Variants in SPAST observed in about 807,000 individuals in gnomAD.
The protein encoded by SPAST is spastin.
In SPAST, 30 loss-of-function variants were observed where a neutral mutation model predicts 76.6. That is an observed-to-expected ratio of 0.39 (90% CI 0.29 to 0.53). The LOEUF (loss-of-function observed/expected upper bound fraction) is 0.53, where lower values mean the gene tolerates loss of function less well. Among genes scored for constraint, SPAST ranks in the 20% least tolerant of loss-of-function variants. The probability of loss-of-function intolerance (pLI) is 0.68; values close to 1 mark genes in which losing one functional copy is unlikely to be tolerated. For synonymous variants in SPAST, 305 were observed against 281.0 expected (o/e 1.09, Z -0.86); for missense variants, 717 against 770.5 (o/e 0.93, Z 0.82).
At chr2:32,076,111 G>T (rs1289289117) in intron 1 of SPAST, among the ~76,000 whole-genome samples, 1 of 151,336 alleles carries the variant, frequency 6.6e-6, no homozygotes, top group Non-Finnish European at 1.5e-5. Flanking sequence ...ATGTTGTCCA[G>T]GCTAGCCTTG....
chr2:32,087,722 T>C, intron 2 of SPAST, 144 bp downstream of exon 2: 1 of 343,920 alleles, frequency 2.9e-6, no homozygotes, highest in Non-Finnish European at 5.0e-6. Context: ...TGAGACAGGG[T>C]CTTTCCTCTG....
intron 3 of SPAST, among the ~76,000 whole-genome samples, chr2:32,095,130 T>C (rs557401752): frequency 7.2e-5 from 11 of 152,290 alleles, no homozygotes; most frequent in Admixed American, 7.2e-4. Flanking sequence ...TGATAGAGGC[T>C]TGCACCAGGG....
intron 1 of SPAST, among the ~76,000 whole-genome samples, chr2:32,082,111 G>A (rs1677258509): frequency 7.1e-6 from 1 of 140,470 alleles, no homozygotes; most frequent in Non-Finnish European, 1.5e-5. Flanking sequence ...TCCTGCCTCA[G>A]CCTCCCAAAT....
chr2:32,145,940 C>T (rs1679872493), intron 15 of SPAST, among the ~76,000 whole-genome samples: 1 of 152,182 alleles, frequency 6.6e-6, no homozygotes, highest in Admixed American at 6.5e-5. Flanking sequence ...AAGATGTTAT[C>T]ATAGTGTCTA....
chr2:32,145,142 A>G, intron 15 of SPAST, 135 bp downstream of exon 15: 1 of 641,768 alleles, frequency 1.6e-6, no homozygotes, highest in South Asian at 1.8e-5. Flanking sequence ...CCCAGGCTGT[A>G]GTGCAGTGGC....
In SPAST at chr2:32,063,805, TGGC is replaced by T. The variant is rs1195993407; in HGVS notation, c.-17_-15del. ...CCGTCGGTCTGCGGGAGGCGGGTTA[TGGC>T]GGCGGCGGCAGTGAGAGCTGTGAAT... On this transcript the variant is annotated 5_prime_UTR_variant, in exon 1 of 17. Coordinates refer to ENST00000315285, the MANE Select transcript of SPAST (RefSeq NM_014946.4). The T allele has an allele frequency of 6.4e-7, 1 of 1,551,614 alleles. No homozygotes were observed. The highest frequency in any genetic ancestry group is 1.2e-5 in the South Asian group (1 of 85,902).
chr2:32,141,768 A>T, intron 12 of SPAST, 136 bp from the exon 13 acceptor site: 2 of 682,298 alleles, frequency 2.9e-6, no homozygotes, highest in East Asian at 5.4e-5. Flanking sequence ...AGTAACAAAA[A>T]TATTTTTACA....
chr2:32,114,949 A>T, intron 5 of SPAST, 124 bp downstream of exon 5: 1 of 716,404 alleles, frequency 1.4e-6, no homozygotes, highest in Non-Finnish European at 2.2e-6. Context: ...AAGTTTCCAT[A>T]AAGTTAAATT....
chr2:32,071,019 G>A lies in SPAST; in HGVS notation c.415+6773G>A, dbSNP rs536248465. ...ACTTTATACTGCAGGTTTTTATGTTGTAATGCTGGTAATGAGCTCCTTGGA... is the reference window on the plus strand; with the variant it reads ...ACTTTATACTGCAGGTTTTTATGTTATAATGCTGGTAATGAGCTCCTTGGA... On this transcript the variant is annotated intron_variant, in intron 1 of 16. Coordinates refer to ENST00000315285, the MANE Select transcript of SPAST (RefSeq NM_014946.4). Among the ~76,000 whole-genome samples, 3 of 152,308 alleles carry A rather than the reference G, an allele frequency of 2.0e-5. No homozygotes were observed. The South Asian group carries it at 6.2e-4, about 32-fold the overall frequency.
At chr2:32,119,969 C>A (rs1374021515) in intron 7 of SPAST, among the ~76,000 whole-genome samples, 2 of 150,156 alleles carry the variant, frequency 1.3e-5, no homozygotes. Context: ...TGTGATTGTT[C>A]TCCAGTTTTA....
At chr2:32,066,622 C>G (rs568252142) in intron 1 of SPAST, among the ~76,000 whole-genome samples, 1 of 151,638 alleles carries the variant, frequency 6.6e-6, no homozygotes, top group Non-Finnish European at 1.5e-5. Flanking sequence ...GAGCCGAGAT[C>G]GTGCCACTAC....
intron 1 of SPAST, among the ~76,000 whole-genome samples, chr2:32,078,317 C>A (rs1677058021): frequency 6.6e-6 from 1 of 152,108 alleles, no homozygotes; most frequent in Non-Finnish European, 1.5e-5. Flanking sequence ...GGATTACAGG[C>A]ATGTGCCACC....
rs900479153 is a variant in SPAST at position 32,098,236 on chromosome 2, C to T, written c.587-560C>T. 5.9e-5 allele frequency among the ~76,000 whole-genome samples: 9 copies of T among 152,060 alleles called. No homozygotes were observed. In the East Asian group the frequency reaches 1.6e-3, roughly 26 times the overall value. On this transcript the variant is annotated intron_variant, in intron 3 of 16. Transcript: ENST00000315285. The stretch of plus-strand genomic sequence containing the variant: ...ATCCCTGCACTTTGGGAGGCTAAGG[C>T]GGGAGGATCGCTTAAGGCCAGGAGC...
intron 16 of SPAST, among the ~76,000 whole-genome samples, chr2:32,150,696 A>G (rs773627541): frequency 1.5e-4 from 23 of 152,014 alleles, no homozygotes; most frequent in Non-Finnish European, 3.1e-4. Context: ...ACCTCCCAAA[A>G]TGCTGGGATT....
At chr2:32,077,745 GTAGA>G (rs1194031712) in intron 1 of SPAST, 2 of 152,166 alleles carry the variant, frequency 1.3e-5, no homozygotes, top group Non-Finnish European at 2.9e-5. Context: ...AAAACGTACA[GTAGA>G]TAATTTGCAA....
At chr2:32,067,007 ACT>A (rs1163026982) in intron 1 of SPAST, among the ~76,000 whole-genome samples, 2 of 144,396 alleles carry the variant, frequency 1.4e-5, no homozygotes, top group Non-Finnish European at 3.0e-5. Context: ...AAAAAAAAAA[ACT>A]GTTTTAATTG....
At chr2:32,083,776 A>ATATAT (rs1553398791) in intron 1 of SPAST, among the ~76,000 whole-genome samples, 16 of 46,074 alleles carry the variant, frequency 3.5e-4, no homozygotes, top group Non-Finnish European at 4.1e-4. Context: ...ATATATATAT[A>ATATAT]TTTTTTTTTT....
chr2:32,087,122 A>T (rs1413598245), intron 1 of SPAST, among the ~76,000 whole-genome samples: 1 of 152,330 alleles, frequency 6.6e-6, no homozygotes, highest in East Asian at 1.9e-4. Context: ...TGAATATGAG[A>T]TTAAACAATG....
rs554993246 is a variant in SPAST at position 32,101,269 on chromosome 2, G to A, written c.682+2378G>A. Among the ~76,000 whole-genome samples the A allele has an allele frequency of 5.3e-5, 8 of 152,254 alleles. No homozygotes were observed. In the South Asian group the frequency reaches 1.0e-3, roughly 20 times the overall value. ...CTGCATAAATGTCTTCTTTTGAGAA[G>A]CATCTGTTCATATACTTTGCCCACT... On this transcript the variant is annotated intron_variant, in intron 4 of 16. Coordinates refer to ENST00000315285, the MANE Select transcript of SPAST (RefSeq NM_014946.4).
Sources: allele counts gnomAD v4.1 joint callset (sites outside exome capture counted in the v4.1 genomes callset), GRCh38; gene constraint gnomAD v4.1.1; transcripts MANE v1.5; gene names NCBI Gene and HGNC (gene_info 2026-07-23, HGNC 2026-07-21).